The following SPAG17 variants were observed in gnomAD, a reference collection of about 807,000 sequenced individuals.
SPAG17 encodes the protein sperm associated antigen 17, also known as sperm-associated antigen 17.
In SPAG17, 169 loss-of-function variants were observed where a neutral mutation model predicts 273.6. That is an observed-to-expected ratio of 0.62 (90% CI 0.55 to 0.70). The LOEUF is 0.70. Among genes scored for constraint, SPAG17 ranks in the 30% least tolerant of loss-of-function variants. SPAG17 has a pLI of 0.00. For synonymous variants in SPAG17, 825 were observed against 873.2 expected, an observed-to-expected ratio of 0.94 and a Z score of 0.97; for missense variants, 2,557 against 2,627.8, an observed-to-expected ratio of 0.97 and a Z score of 0.59.
chr1:118,146,198 T>C (rs1371463259), intron 3 of SPAG17, among the ~76,000 whole-genome samples: 2 of 152,228 alleles, frequency 1.3e-5, no homozygotes, highest in South Asian at 2.1e-4. Flanking sequence ...TCACTTACTG[T>C]GTATCAGATT....
At chr1:118,120,281 A>AT (rs1553252903) in intron 3 of SPAG17, among the ~76,000 whole-genome samples, 3 of 890 alleles carry the variant, frequency 3.4e-3, no homozygotes, top group Admixed American at 0.038. Flanking sequence ...TGCTAGTGAG[A>AT]TTAAAAAAAA....
rs371035198 is a variant in SPAG17, at chr1:118,058,146, AATT to A, written c.2541-2235_2541-2233del. On this transcript the variant is annotated intron_variant, in intron 18 of 48. Coordinates refer to ENST00000336338, the MANE Select transcript of SPAG17 (RefSeq NM_206996.4). ...ATTTAAAATACTTAACTTTATTTTTAATTATTATGAAAATCCTTTAAAAGACAT... is the reference window on the plus strand; with the variant it reads ...ATTTAAAATACTTAACTTTATTTTTAATTATGAAAATCCTTTAAAAGACAT... Among the ~76,000 whole-genome samples, 8 of 152,312 alleles carry A rather than the reference AATT, an allele frequency of 5.3e-5. No homozygotes were observed. The South Asian group carries it at 1.7e-3, about 32-fold the overall frequency.
intron 4 of SPAG17, among the ~76,000 whole-genome samples, chr1:118,109,986 A>AT (rs1466024305): frequency 2.0e-5 from 3 of 152,124 alleles, no homozygotes; most frequent in Admixed American, 6.5e-5. Flanking sequence ...ACCAGGAGCC[A>AT]TTTTTTCTTT....
Position 117,994,481 on chromosome 1 carries a change from C to T in SPAG17, c.5103G>A (p.Trp1701Ter). Reference protein sequence around the residue: ...VLRPFHEASPWQVKKEDTIVP... With the variant: ...VLRPFHEASP ...CAATTGTATCTTCCTTTTTTACTTG[C>T]CATGGTGATGCTTCATGGAAAGGGC... is the stretch of plus-strand genomic sequence containing the variant. The change falls in exon 35 of 49, where the codon TGG (tryptophan) becomes TGA (stop). Residue 1701 changes from tryptophan (W) to a stop codon, truncating the protein, a stop_gained. Transcript: ENST00000336338. LOFTEE classifies it high-confidence loss of function. 1 of 1,612,698 alleles carries T rather than the reference C, an allele frequency of 6.2e-7. No individual in the cohort carries two copies. The highest frequency in any genetic ancestry group is 8.5e-7 in the Non-Finnish European group (1 of 1,179,162).
chr1:118,073,168 A>G (rs912634350), intron 17 of SPAG17, among the ~76,000 whole-genome samples: 2 of 152,228 alleles, frequency 1.3e-5, no homozygotes, highest in African/African-American at 4.8e-5. Context: ...GCTAAACACA[A>G]CAAAAGGATT....
At chr1:118,108,929 A>C (rs1184673049) in intron 4 of SPAG17, among the ~76,000 whole-genome samples, 1 of 152,178 alleles carries the variant, frequency 6.6e-6, no homozygotes. Context: ...CTCACTTTTT[A>C]AAGGGAAAAA....
intron 3 of SPAG17, among the ~76,000 whole-genome samples, chr1:118,136,803 G>GTGTGTA (rs1658389527): frequency 2.1e-4 from 1 of 4,742 alleles, no homozygotes; most frequent in Non-Finnish European, 6.1e-4. Context: ...GTGTGTGTAT[G>GTGTGTA]TGTGTGTGTG....
intron 18 of SPAG17, among the ~76,000 whole-genome samples, chr1:118,063,117 C>T (rs926202864): frequency 3.9e-5 from 6 of 152,184 alleles, no homozygotes. Flanking sequence ...ATTCCATGCT[C>T]ATGGATACGA....
At chr1:118,089,711 GCTA>G (rs1297455510) in intron 10 of SPAG17, among the ~76,000 whole-genome samples, 2 of 152,266 alleles carry the variant, frequency 1.3e-5, no homozygotes, top group East Asian at 3.9e-4. Flanking sequence ...AGTCATTTCT[GCTA>G]CTTATTACTT....
chr1:118,151,306 G>A lies in SPAG17; in HGVS notation c.151C>T (p.Gln51Ter). ...ACCTGGACAGCCACGGTAAGGGCTT[G>A]GATGAGAAGATCATCTTCAATCTGG... ...GNQIEDDLLI[Q>*]ALTVAVQVPQ... The change falls in exon 2 of 49, where the codon CAA (glutamine) becomes TAA (stop). Residue 51 changes from glutamine to a stop codon, truncating the protein, a stop_gained. Transcript: ENST00000336338. LOFTEE classifies it high-confidence loss of function. 1 of 1,613,464 alleles carries A rather than the reference G, an allele frequency of 6.2e-7. No homozygotes were observed.
At chr1:117,984,807 C>A (rs1486179590) in intron 40 of SPAG17, 25 bp from the exon 41 acceptor site, 58 of 1,375,564 alleles carry the variant, frequency 4.2e-5, no homozygotes, top group Non-Finnish European at 5.9e-5. Context: ...CATGATGATG[C>A]AAAAGAAGAC....
chr1:118,140,348 A>G (rs1350748895), intron 3 of SPAG17, among the ~76,000 whole-genome samples: 8 of 152,294 alleles, frequency 5.3e-5, no homozygotes, highest in South Asian at 2.1e-4. Flanking sequence ...TAAATTTCAA[A>G]TGTTCTCACC....
intron 47 of SPAG17, chr1:117,965,424 C>T (rs1653705380): frequency 6.6e-6 from 1 of 152,226 alleles, no homozygotes; most frequent in Non-Finnish European, 1.5e-5. Flanking sequence ...ATCTCCAATT[C>T]TGACTTCTCA....
chr1:118,075,222 G>A (rs549709872), intron 15 of SPAG17, among the ~76,000 whole-genome samples: 8 of 152,274 alleles, frequency 5.3e-5, no homozygotes, highest in African/African-American at 1.4e-4. Flanking sequence ...TAAATGAAGC[G>A]GTACCTGGAC....
At chr1:118,028,532 G>C in intron 25 of SPAG17, 138 bp from the exon 26 acceptor site, 1 of 1,012,712 alleles carries the variant, frequency 9.9e-7, no homozygotes, top group Non-Finnish European at 1.4e-6. Flanking sequence ...GGACGCAGGA[G>C]TCTCTGTGGT....
intron 22 of SPAG17, 45 bp from the exon 23 acceptor site, chr1:118,039,489 A>G: frequency 1.3e-6 from 2 of 1,590,300 alleles, no homozygotes; most frequent in South Asian, 1.1e-5. Flanking sequence ...TTAGGATGCC[A>G]CATTAAGCTC....
At chr1:118,046,712 A>G (rs953755035) in intron 20 of SPAG17, among the ~76,000 whole-genome samples, 1 of 152,192 alleles carries the variant, frequency 6.6e-6, no homozygotes, top group African/African-American at 2.4e-5. Context: ...AAATTTATAC[A>G]ATTATTTTAT....
chr1:118,087,752 C>T (rs1655102316), intron 10 of SPAG17, among the ~76,000 whole-genome samples: 1 of 152,168 alleles, frequency 6.6e-6, no homozygotes, highest in African/African-American at 2.4e-5. Context: ...TTTCCCTTTA[C>T]CCTATATCCT....
chr1:118,059,072 A>G lies in SPAG17; in HGVS notation c.2541-3158T>C, dbSNP rs186393925. On this transcript the variant is annotated intron_variant, in intron 18 of 48. Transcript: ENST00000336338. ...TATGCCAATAGACTGGAAAATCTAG[A>G]TGTCATGCATGATTCCCTAGAAAAG... Among the ~76,000 whole-genome samples the G allele has an allele frequency of 7.9e-5, 12 of 152,308 alleles. No individual in the cohort carries two copies. The East Asian group carries it at 2.3e-3, about 29-fold the overall frequency.
Sources: allele counts gnomAD v4.1 joint callset (sites outside exome capture counted in the v4.1 genomes callset), GRCh38; gene constraint gnomAD v4.1.1; transcripts MANE v1.5; gene names NCBI Gene and HGNC (gene_info 2026-07-23, HGNC 2026-07-21).